MAGI1: variants seen among roughly 807,000 people sequenced by gnomAD.
MAGI1 encodes the protein membrane associated guanylate kinase, WW and PDZ domain containing 1.
MAGI1 carries 58 observed loss-of-function variants against 139.9 expected under a neutral mutation model. The ratio of observed to expected loss-of-function variants is 0.41; its 90% CI spans 0.34 to 0.52. The LOEUF (loss-of-function observed/expected upper bound fraction) is 0.52, where lower values mean the gene tolerates loss of function less well. Among genes scored for constraint, MAGI1 ranks in the 20% least tolerant of loss-of-function variants. MAGI1 has a pLI of 0.12. For synonymous variants in MAGI1, 812 were observed against 737.9 expected (o/e 1.10, Z -1.63); for missense variants, 1,874 against 1,901.6 (o/e 0.99, Z 0.27).
chr3:65,816,005 A>G (rs1422761653), intron 1 of MAGI1, among the ~76,000 whole-genome samples: 1 of 152,210 alleles, frequency 6.6e-6, no homozygotes, highest in Non-Finnish European at 1.5e-5. Flanking sequence ...TTGTATATTA[A>G]AAAATAAAGT....
At chr3:65,819,618 C>T (rs1050443121) in intron 1 of MAGI1, among the ~76,000 whole-genome samples, 2 of 151,802 alleles carry the variant, frequency 1.3e-5, no homozygotes, top group African/African-American at 2.4e-5. Flanking sequence ...GTTGCTCACA[C>T]CTGTACTCCC....
chr3:65,506,503 G>A (rs1424075459), intron 2 of MAGI1, among the ~76,000 whole-genome samples: 1 of 152,124 alleles, frequency 6.6e-6, no homozygotes. Flanking sequence ...CAACCTTGAT[G>A]AAATTTTCCA....
At chr3:66,001,362 C>T (rs2066728559) in intron 1 of MAGI1, among the ~76,000 whole-genome samples, 1 of 152,128 alleles carries the variant, frequency 6.6e-6, no homozygotes. Flanking sequence ...TATGATTATG[C>T]TAGATCCAAA....
intron 1 of MAGI1, among the ~76,000 whole-genome samples, chr3:65,650,606 CA>C (rs2107308750): frequency 6.6e-6 from 1 of 152,306 alleles, no homozygotes; most frequent in Non-Finnish European, 1.5e-5. Context: ...CCTTGATTTC[CA>C]ACGTCTGGCC....
rs1940223570 is a variant in MAGI1 at position 65,356,773 on chromosome 3, T to C, written c.3994A>G (p.Ser1332Gly). Residue 1332 changes from serine to glycine, a missense_variant, in exon 23 of 23, where the codon AGC (serine) becomes GGC (glycine). Around this residue, in one of 5 missense-constraint regions of MAGI1, gnomAD observed 653 missense variants for 644.5 expected, o/e 1.01. Transcript: ENST00000402939. ...SPEKRREGTRSADNTLERREK... is the reference protein window; with the variant it reads ...SPEKRREGTRGADNTLERREK... ...CTCCTCTCCAAAGTGTTGTCGGCGC[T>C]GCGGGTGCCCTCCCTCCGCTTCTCT... 1 of 1,606,948 alleles carries C rather than the reference T, an allele frequency of 6.2e-7. No individual in the cohort carries two copies. Among genetic ancestry groups the C allele is most frequent in the Non-Finnish European group, 8.5e-7 (1 of 1,176,716 alleles).
intron 1 of MAGI1, among the ~76,000 whole-genome samples, chr3:65,779,716 T>C (rs948508271): frequency 6.6e-6 from 1 of 152,206 alleles, no homozygotes; most frequent in African/African-American, 2.4e-5. Flanking sequence ...TCTAATAGTC[T>C]AATGAATTTT....
chr3:65,438,785 T>G (rs549642908), intron 9 of MAGI1, among the ~76,000 whole-genome samples: 44 of 152,240 alleles, frequency 2.9e-4, no homozygotes, highest in Non-Finnish European at 5.3e-4. Flanking sequence ...AAGTTGAAAT[T>G]ACAGTGCCCA....
chr3:65,997,270 A>T (rs1458756593), intron 1 of MAGI1, among the ~76,000 whole-genome samples: 3 of 152,148 alleles, frequency 2.0e-5, no homozygotes, highest in Non-Finnish European at 4.4e-5. Context: ...CCACCAACTT[A>T]TCCACAGACC....
intron 1 of MAGI1, among the ~76,000 whole-genome samples, chr3:65,829,167 C>T (rs144986454): frequency 1.8e-4 from 28 of 152,286 alleles, no homozygotes; most frequent in African/African-American, 5.8e-4. Context: ...TTGTTTTAGC[C>T]ATTCTGTTTG....
At chr3:65,574,006 T>G (rs1321694980) in intron 2 of MAGI1, among the ~76,000 whole-genome samples, 1 of 151,904 alleles carries the variant, frequency 6.6e-6, no homozygotes, top group Non-Finnish European at 1.5e-5. Context: ...ATCTGGCCTT[T>G]TAAGAAAGTT....
At chr3:65,688,543 G>T in intron 1 of MAGI1, 1 of 395,698 alleles carries the variant, frequency 2.5e-6, no homozygotes, top group Admixed American at 3.1e-5. Context: ...AGGTGCTACT[G>T]TGCTTTATAT....
Position 65,379,327 on chromosome 3 carries a change from C to T in MAGI1, c.2929G>A (p.Glu977Lys), listed in dbSNP as rs1347537384. The T allele has an allele frequency of 2.5e-6, 4 of 1,613,356 alleles. No individual in the cohort carries two copies. In the African/African-American group the frequency reaches 4.0e-5, roughly 16 times the overall value. ...QPYDVEIRRG[E>K]NEGFGFVIVS... is the part of the protein sequence containing the mutation. ...ATGACGAAGCCGAAGCCCTCGTTCT[C>T]CCCGCGCCGGATCTCCACGTCGTAG... The change falls in exon 17 of 23, where the codon GAG becomes AAG. Residue 977 changes from glutamate (E) to lysine (K), a missense_variant. Glu to Lys is a moderately conservative substitution (Grantham distance 56). Around this residue, in one of 5 missense-constraint regions of MAGI1, gnomAD observed 482 missense variants for 509.6 expected, o/e 0.95. Transcript: ENST00000402939.
At chr3:65,731,663 T>TAAAAAAAA (rs35714265) in intron 1 of MAGI1, among the ~76,000 whole-genome samples, 2 of 112,906 alleles carry the variant, frequency 1.8e-5, no homozygotes, top group African/African-American at 3.1e-5. Context: ...TCAAAAAATT[T>TAAAAAAAA]AAAAAAAAAA....
chr3:66,015,247 T>C (rs1465767958), intron 1 of MAGI1, among the ~76,000 whole-genome samples: 1 of 151,790 alleles, frequency 6.6e-6, no homozygotes, highest in Non-Finnish European at 1.5e-5. Flanking sequence ...ACGTACTAAT[T>C]GATAAATTAA....
intron 2 of MAGI1, chr3:65,597,767 G>C (rs957538535): frequency 2.2e-5 from 10 of 456,624 alleles, no homozygotes; most frequent in Non-Finnish European, 4.0e-5. Context: ...GGTGGGCAGG[G>C]GGCGGTGGAG....
At chr3:65,876,703 A>T (rs2108508472) in intron 1 of MAGI1, among the ~76,000 whole-genome samples, 1 of 152,118 alleles carries the variant, frequency 6.6e-6, no homozygotes. Flanking sequence ...GATAAATCTT[A>T]AAGTACTTTT....
chr3:65,426,265 G>A (rs1006979638), intron 12 of MAGI1, among the ~76,000 whole-genome samples: 6 of 152,162 alleles, frequency 3.9e-5, no homozygotes, highest in Non-Finnish European at 8.8e-5. Flanking sequence ...TCTGACCCTG[G>A]ACATTTACAA....
intron 2 of MAGI1, among the ~76,000 whole-genome samples, chr3:65,567,998 G>A (rs933545870): frequency 1.3e-5 from 2 of 152,130 alleles, no homozygotes. Flanking sequence ...GGGATATCAG[G>A]ATATAAATCC....
At chr3:65,740,208 A>G (rs937476655) in intron 1 of MAGI1, among the ~76,000 whole-genome samples, 21 of 152,178 alleles carry the variant, frequency 1.4e-4, no homozygotes, top group African/African-American at 2.9e-4. Context: ...ATCAATTTCC[A>G]CTAGTGTCTT....
Sources: gnomAD v4.1 joint callset for allele counts (sites outside exome capture counted in the v4.1 genomes callset) on GRCh38, gnomAD v4.1.1 for gene constraint, gnomAD v4.1.1 regional missense constraint, MANE v1.5 for transcripts, NCBI Gene and HGNC (gene_info 2026-07-23, HGNC 2026-07-21) for gene names.